SCGN: variants seen among roughly 807,000 people sequenced by gnomAD.
SCGN encodes secretagogin.
SCGN carries 30 observed loss-of-function variants against 39.7 expected under a neutral mutation model. The ratio of observed to expected loss-of-function variants is 0.76; its 90% CI spans 0.57 to 1.03. The LOEUF (loss-of-function observed/expected upper bound fraction) is 1.03. Among genes scored for constraint, SCGN ranks in the 50% least tolerant of loss-of-function variants. The probability of loss-of-function intolerance (pLI) is 0.00; values close to 1 mark genes in which losing one functional copy is unlikely to be tolerated. For synonymous variants in SCGN, 106 were observed against 114.1 expected (o/e 0.93, Z 0.45); for missense variants, 353 against 349.4 (o/e 1.01, Z -0.08).
chr6:25,677,530 T>TA (rs1173295804), intron 6 of SCGN, among the ~76,000 whole-genome samples: 2 of 152,308 alleles, frequency 1.3e-5, no homozygotes, highest in Non-Finnish European at 1.5e-5. Flanking sequence ...CCTTTAAAGT[T>TA]TTTTTAAAAA....
intron 2 of SCGN, among the ~76,000 whole-genome samples, chr6:25,658,076 G>A (rs544845079): frequency 9.0e-6 from 1 of 111,660 alleles, no homozygotes; most frequent in East Asian, 2.7e-4. Flanking sequence ...GTGTCGCTTT[G>A]TTGCCCAGGC....
intron 7 of SCGN, 55 bp from the exon 8 acceptor site, chr6:25,689,117 C>T (rs1759742265): frequency 4.7e-6 from 6 of 1,287,086 alleles, no homozygotes; most frequent in South Asian, 1.3e-5. Context: ...TATAAGTTTT[C>T]GTATAACTGA....
rs755762059 is a variant in SCGN, at chr6:25,652,430, G to T, written c.27G>T (p.Leu9=). The T allele has an allele frequency of 5.0e-6, 8 of 1,614,120 alleles. No individual in the cohort carries two copies. Among genetic ancestry groups the T allele is most frequent in the Non-Finnish European group, 6.8e-6 (8 of 1,180,012 alleles). Residue 9 remains leucine (L), a synonymous_variant, in exon 1 of 11, where the codon CTG becomes CTT. Transcript: ENST00000377961. The part of the protein sequence containing the change: MDSSREPT[L]GRLDAAGFWQ... ...TGGACAGCTCCCGGGAACCGACTCTGGGGCGCTTGGACGCCGCTGGCTTCT... is the reference window on the plus strand; with the variant it reads ...TGGACAGCTCCCGGGAACCGACTCTTGGGCGCTTGGACGCCGCTGGCTTCT...
intron 7 of SCGN, 26 bp from the exon 8 acceptor site, chr6:25,689,146 G>A (rs770657355): frequency 6.9e-7 from 1 of 1,438,954 alleles, no homozygotes; most frequent in Non-Finnish European, 9.3e-7. Flanking sequence ...CGATCCTTAC[G>A]TGGATTTTTT....
intron 4 of SCGN, among the ~76,000 whole-genome samples, chr6:25,666,277 A>G (rs929285973): frequency 4.0e-5 from 6 of 151,820 alleles, no homozygotes; most frequent in Non-Finnish European, 8.8e-5. Context: ...AATCACTTGA[A>G]CCCAGGAGGC....
intron 7 of SCGN, among the ~76,000 whole-genome samples, chr6:25,683,363 G>T (rs1448163828): frequency 2.0e-5 from 3 of 152,116 alleles, no homozygotes; most frequent in Non-Finnish European, 4.4e-5. Context: ...CAATCTCATG[G>T]TTCCCTTCAC....
intron 5 of SCGN, 80 bp downstream of exon 5, chr6:25,669,647 G>A: frequency 5.9e-6 from 7 of 1,182,994 alleles, no homozygotes; most frequent in South Asian, 1.3e-5. Context: ...GATTTCTGTG[G>A]GCCCAAGAAA....
At chr6:25,700,965 G>A (rs2151384969) in intron 10 of SCGN, among the ~76,000 whole-genome samples, 1 of 152,298 alleles carries the variant, frequency 6.6e-6, no homozygotes, top group East Asian at 1.9e-4. Flanking sequence ...AGAACTGCAG[G>A]GAAGTGATGT....
intron 2 of SCGN, among the ~76,000 whole-genome samples, chr6:25,655,568 C>T (rs1760212919): frequency 6.6e-6 from 1 of 152,192 alleles, no homozygotes; most frequent in Non-Finnish European, 1.5e-5. Context: ...TGCGCAACTG[C>T]ATTCAGTGCA....
intron 2 of SCGN, among the ~76,000 whole-genome samples, chr6:25,660,677 G>A (rs1760320493): frequency 6.6e-6 from 1 of 152,338 alleles, no homozygotes; most frequent in African/African-American, 2.4e-5. Context: ...CATGTGCATG[G>A]ATGATGCATC....
Position 25,653,363 on chromosome 6 carries a change from T to C in SCGN, c.83-19T>C, listed in dbSNP as rs758357225. The C allele has an allele frequency of 5.0e-5, 77 of 1,526,734 alleles. 5 individuals are homozygous for C. The South Asian group carries it at 6.1e-4, about 12-fold the overall frequency. 94.6% of individuals were successfully genotyped at this position (1,526,734 alleles called of 1,614,324 possible). ...TTTTTATATGTTAGTATTATTTATG[T>C]TTATTTTCTCACATTTAGAAAAAGG... On this transcript the variant is annotated intron_variant, in intron 1 of 10. Coordinates refer to ENST00000377961, the MANE Select transcript of SCGN (RefSeq NM_006998.4).
chr6:25,668,969 G>T (rs1175544985), intron 4 of SCGN, among the ~76,000 whole-genome samples: 1 of 152,106 alleles, frequency 6.6e-6, no homozygotes, highest in Non-Finnish European at 1.5e-5. Flanking sequence ...AAATTAGCCA[G>T]GCGTGGTGGT....
intron 6 of SCGN, among the ~76,000 whole-genome samples, chr6:25,678,171 T>C (rs962428271): frequency 1.3e-5 from 2 of 152,050 alleles, no homozygotes; most frequent in African/African-American, 4.8e-5. Flanking sequence ...CTCAAAAATG[T>C]GTGGATGGAG....
At chr6:25,689,571 G>A (rs142698424) in intron 9 of SCGN, 39 bp downstream of exon 9, 1 of 1,567,320 alleles carries the variant, frequency 6.4e-7, no homozygotes, top group Admixed American at 1.7e-5. Flanking sequence ...CCATCTCTGA[G>A]TAGGAAACTT....
rs58464496 is a variant in SCGN at position 25,693,265 on chromosome 6, C to T, written c.702+2141C>T. 2.7e-3 allele frequency among the ~76,000 whole-genome samples: 409 copies of T among 151,944 alleles called. 2 individuals carry two copies. The highest frequency in any genetic ancestry group is 0.01 in the East Asian group (52 of 5,162). ...AGGAGATCGAGACCATCCTGGCTAACGCGGTGAAACCCCATCTCTACTAAA... is the reference window on the plus strand; with the variant it reads ...AGGAGATCGAGACCATCCTGGCTAATGCGGTGAAACCCCATCTCTACTAAA... On this transcript the variant is annotated intron_variant, in intron 10 of 10. Transcript: ENST00000377961.
chr6:25,698,801 G>C (rs1454745649), intron 10 of SCGN, among the ~76,000 whole-genome samples: 1 of 152,132 alleles, frequency 6.6e-6, no homozygotes, highest in Admixed American at 6.5e-5. Context: ...CAGACTTTCA[G>C]CTCCTGATAT....
chr6:25,659,017 C>T (rs1229115447), intron 2 of SCGN, among the ~76,000 whole-genome samples: 5 of 152,194 alleles, frequency 3.3e-5, no homozygotes, highest in African/African-American at 9.7e-5. Context: ...TTTTCTACCT[C>T]ACTATTATAA....
At chr6:25,657,709 G>A (rs1760253689) in intron 2 of SCGN, among the ~76,000 whole-genome samples, 1 of 149,282 alleles carries the variant, frequency 6.7e-6, no homozygotes, top group South Asian at 2.1e-4. Flanking sequence ...ATGTGTGTGT[G>A]TGCATATATA....
chr6:25,656,116 G>C (rs1316384293), intron 2 of SCGN, among the ~76,000 whole-genome samples: 1 of 152,166 alleles, frequency 6.6e-6, no homozygotes, highest in Admixed American at 6.5e-5. Flanking sequence ...CCTTAAGCAA[G>C]TTCTTAACAA....
Sources: gnomAD v4.1 joint callset for allele counts (sites outside exome capture counted in the v4.1 genomes callset) on GRCh38, gnomAD v4.1.1 for gene constraint, MANE v1.5 for transcripts, NCBI Gene and HGNC (gene_info 2026-07-23, HGNC 2026-07-21) for gene names.